The following FRMPD4 variants were observed in gnomAD, a reference collection of about 807,000 sequenced individuals.
The protein encoded by FRMPD4 is FERM and PDZ domain-containing protein 4.
FRMPD4 carries 22 observed loss-of-function variants against 94.1 expected under a neutral mutation model. The observed-to-expected ratio is 0.23, with a 90% CI of 0.17 to 0.33. FRMPD4 has a LOEUF of 0.33. FRMPD4 is among the 10% of genes least tolerant of loss of function. FRMPD4 has a pLI of 1.00. For missense variants in FRMPD4, 1,111 were observed against 1,339.9 expected (o/e 0.83, Z 2.67); for synonymous variants, 631 against 548.6 (o/e 1.15, Z -2.10).
At chrX:12,190,640 C>T (rs1303396988) in intron 1 of FRMPD4, among the ~76,000 whole-genome samples, 1 of 99,361 alleles carries the variant, frequency 1.0e-5, no homozygotes, top group Admixed American at 1.1e-4. Flanking sequence ...TACAGTGGAA[C>T]AAAAATAGTC....
At chrX:12,297,102 G>A (rs1363928450) in intron 1 of FRMPD4, among the ~76,000 whole-genome samples, 2 of 112,599 alleles carry the variant, frequency 1.8e-5, no homozygotes, top group African/African-American at 6.5e-5. Flanking sequence ...CTGCTTCATT[G>A]ACTGTCCATT....
At chrX:12,139,574 T>C (rs1199826386) in intron 1 of FRMPD4, among the ~76,000 whole-genome samples, 1 of 109,350 alleles carries the variant, frequency 9.1e-6, no homozygotes, top group Non-Finnish European at 1.9e-5. Context: ...ACTATATTCT[T>C]AAGCCTCGAA....
chrX:11,985,007 G>A (rs1207987252), intron 3 of FRMPD4, among the ~76,000 whole-genome samples: 1 of 111,811 alleles, frequency 8.9e-6, no homozygotes, highest in Non-Finnish European at 1.9e-5. Flanking sequence ...CACCCACTAG[G>A]GGGCCACTAT....
chrX:12,198,433 G>A (rs1254765920), intron 1 of FRMPD4, among the ~76,000 whole-genome samples: 5 of 111,889 alleles, frequency 4.5e-5, no homozygotes, highest in Non-Finnish European at 9.4e-5. Flanking sequence ...TTGGTTGTGA[G>A]TTCTCACAAC....
Position 12,724,032 on chromosome X carries a change from T to C in FRMPD4, c.*2174T>C, listed in dbSNP as rs2042287721. 1 of 112,295 alleles carries C rather than the reference T, an allele frequency of 8.9e-6. No individual in the cohort carries two copies. The highest frequency in any genetic ancestry group is 3.2e-5 in the African/African-American group (1 of 30,854). The allele number at this position is 112,295 out of a possible 1,213,427, so 9.3% of individuals were successfully genotyped here. A position where few individuals can be genotyped will look rare whatever the true frequency, so the allele number is the denominator to read the frequency against. On this transcript the variant is annotated 3_prime_UTR_variant, in exon 17 of 17. Transcript: ENST00000675598. The stretch of plus-strand genomic sequence containing the variant: ...GCTATTATTATCATCATAATCGTTG[T>C]GTTAAATATATTGCCCAAGATAATA...
At chrX:12,452,524 T>C (rs992465666) in intron 1 of FRMPD4, among the ~76,000 whole-genome samples, 1 of 112,057 alleles carries the variant, frequency 8.9e-6, no homozygotes, top group Non-Finnish European at 1.9e-5. Flanking sequence ...GTAATCTGCA[T>C]TGTCAGTCCC....
At chrX:12,498,242 C>T (rs1422373643) in intron 1 of FRMPD4, among the ~76,000 whole-genome samples, 1 of 111,736 alleles carries the variant, frequency 8.9e-6, no homozygotes, top group East Asian at 2.8e-4. Context: ...CATTTACTTC[C>T]TTCCGAAGTA....
At chrX:12,336,739 C>T (rs2055530780) in intron 1 of FRMPD4, among the ~76,000 whole-genome samples, 1 of 111,464 alleles carries the variant, frequency 9.0e-6, no homozygotes, top group Non-Finnish European at 1.9e-5. Flanking sequence ...CAAACTAATC[C>T]CATGCTGAGC....
At chrX:11,897,387 GA>G (rs2053910418) in intron 3 of FRMPD4, among the ~76,000 whole-genome samples, 1 of 110,884 alleles carries the variant, frequency 9.0e-6, no homozygotes, top group Non-Finnish European at 1.9e-5. Flanking sequence ...ATATATTTAC[GA>G]ATAAATGGTA....
intron 1 of FRMPD4, among the ~76,000 whole-genome samples, chrX:12,451,344 G>GTGTT (rs1201799763): frequency 2.7e-5 from 3 of 111,784 alleles, no homozygotes; most frequent in African/African-American, 9.7e-5. Context: ...ATACCCAATT[G>GTGTT]TGTTTGGAAA....
intron 3 of FRMPD4, among the ~76,000 whole-genome samples, chrX:12,097,323 G>A (rs1198607247): frequency 8.9e-6 from 1 of 112,073 alleles, no homozygotes; most frequent in Admixed American, 9.5e-5. Context: ...CACAGATTAA[G>A]TTTAAAGCCT....
chrX:11,896,236 G>A (rs1006713311), intron 3 of FRMPD4, among the ~76,000 whole-genome samples: 5 of 112,055 alleles, frequency 4.5e-5, no homozygotes, highest in Admixed American at 9.4e-5. Flanking sequence ...CACATGACTC[G>A]TTTTCACCTG....
Position 12,173,711 on chromosome X carries a change from A to AT in FRMPD4, c.41+34703dup, listed in dbSNP as rs1158063926. Among the ~76,000 whole-genome samples, 4 of 111,108 alleles carry AT rather than the reference A, an allele frequency of 3.6e-5. No homozygotes were observed. The Admixed American group carries it at 3.8e-4, about 11-fold the overall frequency. ...CATTAAAGTGGGGCCTCTGGTCTTG[A>AT]TTTTGTCCTGACTGCTGCTGAGATG... On this transcript the variant is annotated intron_variant, in intron 1 of 16. Transcript: ENST00000675598.
chrX:12,159,359 G>A (rs1183752866), intron 1 of FRMPD4, among the ~76,000 whole-genome samples: 1 of 111,916 alleles, frequency 8.9e-6, no homozygotes, highest in Non-Finnish European at 1.9e-5. Flanking sequence ...GTAATTATGG[G>A]TGCCGTGAAT....
At chrX:12,188,722 C>A (rs898600915) in intron 1 of FRMPD4, among the ~76,000 whole-genome samples, 1 of 111,776 alleles carries the variant, frequency 8.9e-6, no homozygotes, top group African/African-American at 3.2e-5. Flanking sequence ...TATGTTTTGC[C>A]AGCTGTCTCT....
chrX:12,666,103 A>C (rs1415183119), intron 4 of FRMPD4, among the ~76,000 whole-genome samples: 3 of 59,613 alleles, frequency 5.0e-5, no homozygotes, highest in Non-Finnish European at 9.6e-5. Flanking sequence ...ATGGAAAGCA[A>C]AAAAAAAAAA....
intron 1 of FRMPD4, among the ~76,000 whole-genome samples, chrX:12,176,540 A>G (rs2056297316): frequency 8.9e-6 from 1 of 112,612 alleles, no homozygotes; most frequent in Admixed American, 9.4e-5. Context: ...CAAATCTAGT[A>G]TACATTCAGT....
chrX:12,290,647 A>C (rs1001554091), intron 1 of FRMPD4, among the ~76,000 whole-genome samples: 4 of 111,989 alleles, frequency 3.6e-5, no homozygotes, highest in Non-Finnish European at 5.6e-5. Context: ...ATTTTCTTTA[A>C]TATTGTGTAG....
At chrX:12,632,918 T>C (rs1321678184) in intron 4 of FRMPD4, among the ~76,000 whole-genome samples, 1 of 112,444 alleles carries the variant, frequency 8.9e-6, no homozygotes, top group Non-Finnish European at 1.9e-5. Flanking sequence ...TGTTTTTTCA[T>C]GCAGTCAGAA....
Sources: gnomAD v4.1 joint callset for allele counts (sites outside exome capture counted in the v4.1 genomes callset) on GRCh38, gnomAD v4.1.1 for gene constraint, MANE v1.5 for transcripts, NCBI Gene and HGNC (gene_info 2026-07-23, HGNC 2026-07-21) for gene names.